The following JMY variants were observed in gnomAD, a reference collection of about 807,000 sequenced individuals.
The protein encoded by JMY is junction-mediating and -regulatory protein.
Under a neutral mutation model 103.3 loss-of-function variants are expected in JMY, and 46 were observed. That is an observed-to-expected ratio of 0.45 (90% CI 0.35 to 0.57). The LOEUF is 0.57. Ranked by LOEUF, JMY falls within the 20% of genes least tolerant of loss-of-function variation. The pLI is 0.00. For missense variants in JMY, 1,238 were observed against 1,255.2 expected (o/e 0.99, Z 0.21); for synonymous variants, 526 against 489.3 (o/e 1.07, Z -0.99).
At position 79,278,038 on chromosome 5, in the gene JMY, C is replaced by A. The variant is rs1206433748; in HGVS notation, c.1161C>A (p.Phe387Leu). Residue 387 changes from phenylalanine to leucine, a missense_variant, in exon 2 of 11, where the codon TTC becomes TTA. By Grantham distance (22) the Phe-to-Leu change is conservative. Coordinates refer to ENST00000396137, the MANE Select transcript of JMY (RefSeq NM_152405.5). ...TELYQYLLQP[F>L]RDMRELAMLR... Reference sequence around the variant, plus strand: ...TCTATCAGTATTTACTACAGCCATTCCGAGACATGAGAGAACTTGCCATGC... The same window carrying A: ...TCTATCAGTATTTACTACAGCCATTACGAGACATGAGAGAACTTGCCATGC... 1.2e-6 allele frequency: 2 copies of A among 1,613,790 alleles called. No homozygotes were observed. The highest frequency in any genetic ancestry group is 1.7e-6 in the Non-Finnish European group (2 of 1,179,916).
chr5:79,305,325 G>A (rs992335502), intron 6 of JMY, among the ~76,000 whole-genome samples: 28 of 151,954 alleles, frequency 1.8e-4, no homozygotes, highest in Admixed American at 1.8e-3. Flanking sequence ...GATGGCATGC[G>A]CCTGTAGTCC....
Position 79,237,112 on chromosome 5 carries a change from A to G in JMY, c.462A>G (p.Thr154=), listed in dbSNP as rs111233657. 56 of 1,548,572 alleles carry G rather than the reference A, an allele frequency of 3.6e-5. No homozygotes were observed. The African/African-American group carries it at 4.0e-4, about 11-fold the overall frequency. The change falls in exon 1 of 11, where the codon ACA becomes ACG. Residue 154 remains threonine, a synonymous_variant. Coordinates refer to ENST00000396137, the MANE Select transcript of JMY (RefSeq NM_152405.5). ...CCAAACCCATCCCGGGTCAGAAAAC[A>G]TCTGAAGCCGACGATGCGGCGGGGG... ...VRAKPIPGQK[T]SEADDAAGAA...
At chr5:79,267,754 A>G (rs1046358689) in intron 1 of JMY, among the ~76,000 whole-genome samples, 1 of 152,110 alleles carries the variant, frequency 6.6e-6, no homozygotes, top group Non-Finnish European at 1.5e-5. Flanking sequence ...CATTGTATGG[A>G]TGTACTACAA....
At chr5:79,256,577 A>G (rs2607145) in intron 1 of JMY, among the ~76,000 whole-genome samples, 43,589 of 151,932 alleles carry the variant, frequency 0.29, 7,475 homozygotes, top group South Asian at 0.46. Flanking sequence ...TAGCTAACTT[A>G]AAAAATGTTT....
rs1747474226 is a variant in JMY at position 79,322,145 on chromosome 5, C to T, written c.*543C>T. 6.6e-6 allele frequency: 1 copy of T among 152,192 alleles called. No individual in the cohort carries two copies. Among genetic ancestry groups the T allele is most frequent in the South Asian group, 2.1e-4 (1 of 4,826 alleles). The allele number at this position is 152,192 out of a possible 1,614,324, so 9.4% of individuals were successfully genotyped here. On this transcript the variant is annotated 3_prime_UTR_variant, in exon 11 of 11. Transcript: ENST00000396137. ...AAATACACCTAAAATGTCCGCATTA[C>T]TCATTTCCAAAGGATTTTTCATAAA... is the stretch of plus-strand genomic sequence containing the variant.
intron 1 of JMY, among the ~76,000 whole-genome samples, chr5:79,241,297 C>G (rs190813091): frequency 6.6e-6 from 1 of 152,100 alleles, no homozygotes; most frequent in African/African-American, 2.4e-5. Flanking sequence ...CTTGTGAGCA[C>G]TCTTAATTAG....
At chr5:79,247,513 C>T (rs1744938055) in intron 1 of JMY, among the ~76,000 whole-genome samples, 1 of 151,986 alleles carries the variant, frequency 6.6e-6, no homozygotes, top group Non-Finnish European at 1.5e-5. Flanking sequence ...AACAGGGTTT[C>T]ACCATGTTGC....
At chr5:79,244,446 A>G (rs1744829975) in intron 1 of JMY, among the ~76,000 whole-genome samples, 1 of 152,158 alleles carries the variant, frequency 6.6e-6, no homozygotes, top group African/African-American at 2.4e-5. Context: ...GATGGGTGGG[A>G]AAATTGGTTT....
At chr5:79,247,321 G>A (rs1325283904) in intron 1 of JMY, among the ~76,000 whole-genome samples, 4 of 151,836 alleles carry the variant, frequency 2.6e-5, no homozygotes, top group Admixed American at 2.6e-4. Flanking sequence ...TTTATTTTTT[G>A]AGATGGAGTC....
At chr5:79,274,838 T>C (rs549435743) in intron 1 of JMY, among the ~76,000 whole-genome samples, 8 of 152,226 alleles carry the variant, frequency 5.3e-5, no homozygotes, top group Non-Finnish European at 8.8e-5. Flanking sequence ...CCTCAGAGTG[T>C]TGATTTTTAC....
At chr5:79,309,285 G>C (rs1281688089) in intron 7 of JMY, among the ~76,000 whole-genome samples, 1 of 152,108 alleles carries the variant, frequency 6.6e-6, no homozygotes, top group East Asian at 1.9e-4. Context: ...TAGGTTTTGG[G>C]ATAGATGTTC....
At chr5:79,284,044 ATTAC>A in intron 2 of JMY, 1 of 568,926 alleles carries the variant, frequency 1.8e-6, no homozygotes, top group Non-Finnish European at 2.6e-6. Flanking sequence ...CAAGGTACAA[ATTAC>A]TTTCTTTTTT....
chr5:79,249,263 C>T (rs1745004064), intron 1 of JMY, among the ~76,000 whole-genome samples: 1 of 152,144 alleles, frequency 6.6e-6, no homozygotes, highest in Admixed American at 6.5e-5. Flanking sequence ...CTCAAGCAGT[C>T]CTCCTGCATT....
chr5:79,291,400 T>A, intron 4 of JMY, 101 bp downstream of exon 4: 1 of 991,692 alleles, frequency 1.0e-6, no homozygotes, highest in Non-Finnish European at 1.4e-6. Context: ...AGTGATTTTA[T>A]GCCATCTTCA....
At chr5:79,242,745 A>C (rs1580324153) in intron 1 of JMY, among the ~76,000 whole-genome samples, 2 of 150,536 alleles carry the variant, frequency 1.3e-5, no homozygotes, top group Non-Finnish European at 3.0e-5. Context: ...AGAATTGGGG[A>C]GTGGTATTAT....
Position 79,324,588 on chromosome 5 carries a change from G to A in JMY, c.*2986G>A, listed in dbSNP as rs1747570989. The A allele has an allele frequency of 6.6e-6, 1 of 152,206 alleles. No individual in the cohort carries two copies. Among genetic ancestry groups the A allele is most frequent in the Non-Finnish European group, 1.5e-5 (1 of 68,030 alleles). The allele number at this position is 152,206 out of a possible 1,614,324, so 9.4% of individuals were successfully genotyped here. Reference sequence around the variant, plus strand: ...ACCAAAATTATAACCAATGTAGCATGTGTAGGAAAGGTATTTTTAATTATT... The same window carrying A: ...ACCAAAATTATAACCAATGTAGCATATGTAGGAAAGGTATTTTTAATTATT... On this transcript the variant is annotated 3_prime_UTR_variant, in exon 11 of 11. Transcript: ENST00000396137.
intron 1 of JMY, among the ~76,000 whole-genome samples, chr5:79,261,703 A>G (rs1402765181): frequency 6.6e-6 from 1 of 152,162 alleles, no homozygotes; most frequent in Non-Finnish European, 1.5e-5. Context: ...CTTCAGAGAA[A>G]GGCGTAGACC....
chr5:79,325,360 T>TA lies in JMY; in HGVS notation c.*3764dup, dbSNP rs1028091609. ...TTCATACGCTTTACCAGGTTACTTG[T>TA]AAAAAATGAACAGCTGTAAGACATT... is the stretch of plus-strand genomic sequence containing the variant. On this transcript the variant is annotated 3_prime_UTR_variant, in exon 11 of 11. Coordinates refer to ENST00000396137, the MANE Select transcript of JMY (RefSeq NM_152405.5). 6.6e-6 allele frequency: 1 copy of TA among 152,160 alleles called. No individual in the cohort carries two copies. Among genetic ancestry groups the TA allele is most frequent in the African/African-American group, 2.4e-5 (1 of 41,454 alleles). 9.4% of individuals were successfully genotyped at this position (152,160 alleles called of 1,614,324 possible).
intron 2 of JMY, among the ~76,000 whole-genome samples, chr5:79,280,579 A>G (rs1178338909): frequency 6.6e-6 from 1 of 152,168 alleles, no homozygotes; most frequent in Non-Finnish European, 1.5e-5. Flanking sequence ...TCTTGATCCT[A>G]CTTGTGAATT....
Sources: gnomAD v4.1 joint callset for allele counts (sites outside exome capture counted in the v4.1 genomes callset) on GRCh38, gnomAD v4.1.1 for gene constraint, MANE v1.5 for transcripts, NCBI Gene and HGNC (gene_info 2026-07-23, HGNC 2026-07-21) for gene names.